FTCDNL1: variants seen among roughly 807,000 people sequenced by gnomAD.
FTCDNL1 encodes formiminotransferase cyclodeaminase N-terminal like.
A neutral mutation model predicts 5.9 loss-of-function variants in FTCDNL1; 11 were observed. The observed-to-expected ratio is 1.87, with a 90% CI of 1.18 to 3.10. The LOEUF (loss-of-function observed/expected upper bound fraction) is 3.10, where lower values mean the gene tolerates loss of function less well. Among genes scored for constraint, FTCDNL1 ranks in the 30% most tolerant of loss-of-function variants. The probability of loss-of-function intolerance (pLI) is 0.00; values close to 1 mark genes in which losing one functional copy is unlikely to be tolerated. For missense variants in FTCDNL1, 115 were observed against 65.5 expected (o/e 1.76, Z -2.61); for synonymous variants, 58 against 24.8 (o/e 2.34, Z -3.99).
the FTCDNL1 span, among the ~76,000 whole-genome samples, chr2:199,712,983 C>T: frequency 2.6e-4 from 39 of 152,166 alleles, no homozygotes; most frequent in Admixed American, 2.5e-3. Context: ...TTTTTGGGGA[C>T]ACAATTCAAC....
chr2:199,679,631 T>A, the FTCDNL1 span, among the ~76,000 whole-genome samples: 4 of 152,144 alleles, frequency 2.6e-5, no homozygotes, highest in Non-Finnish European at 4.4e-5. Context: ...GACATCTTTT[T>A]TTTTATTTTA....
intron 3 of FTCDNL1, among the ~76,000 whole-genome samples, chr2:199,764,503 C>G (rs968723794): frequency 1.3e-5 from 2 of 152,170 alleles, no homozygotes; most frequent in East Asian, 3.9e-4. Context: ...TCAGCTCCCC[C>G]AAAGCCTTCA....
At chr2:199,753,445 C>T in the FTCDNL1 span, among the ~76,000 whole-genome samples, 1 of 152,286 alleles carries the variant, frequency 6.6e-6, no homozygotes, top group East Asian at 1.9e-4. Flanking sequence ...GTGCATCTTC[C>T]CCAGTTACAG....
chr2:199,789,396 G>T (rs1423785457), intron 3 of FTCDNL1, among the ~76,000 whole-genome samples: 2 of 152,060 alleles, frequency 1.3e-5, no homozygotes, highest in Admixed American at 6.6e-5. Flanking sequence ...GTTAATAAAT[G>T]CCAAGATGTT....
chr2:199,748,836 A>G, the FTCDNL1 span, among the ~76,000 whole-genome samples: 1 of 152,194 alleles, frequency 6.6e-6, no homozygotes, highest in Non-Finnish European at 1.5e-5. Flanking sequence ...GGATTCTGAC[A>G]TGATGTGAGA....
chr2:199,801,662 A>G (rs1160670693), intron 3 of FTCDNL1, among the ~76,000 whole-genome samples: 1 of 151,486 alleles, frequency 6.6e-6, no homozygotes. Flanking sequence ...CTCAAAAAAA[A>G]GGAATAGGCC....
chr2:199,671,385 G>C, the FTCDNL1 span, among the ~76,000 whole-genome samples: 12 of 151,968 alleles, frequency 7.9e-5, no homozygotes, highest in Non-Finnish European at 2.9e-5. Flanking sequence ...CAGCCTATGG[G>C]AGTGCAGGTT....
the FTCDNL1 span, among the ~76,000 whole-genome samples, chr2:199,703,190 T>C: frequency 1.4e-4 from 22 of 152,024 alleles, no homozygotes; most frequent in African/African-American, 5.1e-4. Flanking sequence ...TATCTCCTAA[T>C]GCTATCCCTC....
chr2:199,780,951 A>C (rs1208247663), intron 3 of FTCDNL1, among the ~76,000 whole-genome samples: 1 of 152,154 alleles, frequency 6.6e-6, no homozygotes, highest in South Asian at 2.1e-4. Flanking sequence ...TGTCTAACCC[A>C]TACTGCCTAG....
At chr2:199,772,661 A>G (rs1698872092) in intron 3 of FTCDNL1, among the ~76,000 whole-genome samples, 1 of 152,188 alleles carries the variant, frequency 6.6e-6, no homozygotes. Context: ...AATGAACACA[A>G]TGCCATCAAT....
the FTCDNL1 span, among the ~76,000 whole-genome samples, chr2:199,720,963 C>T: frequency 6.6e-6 from 1 of 152,172 alleles, no homozygotes; most frequent in Non-Finnish European, 1.5e-5. Context: ...ATGTGATTTT[C>T]TAGAATCCTG....
intron 3 of FTCDNL1, among the ~76,000 whole-genome samples, chr2:199,788,334 G>A (rs575153514): frequency 6.6e-6 from 1 of 151,938 alleles, no homozygotes; most frequent in Non-Finnish European, 1.5e-5. Flanking sequence ...GAAATTCTAG[G>A]GGAATATTTT....
intron 4 of FTCDNL1, 103 bp from the exon 5 acceptor site, chr2:199,812,827 T>A (rs890826115): frequency 8.4e-6 from 5 of 596,034 alleles, no homozygotes; most frequent in African/African-American, 3.8e-5. Context: ...TAGTTAAATA[T>A]TTTTTTATCA....
At chr2:199,849,156 T>C (rs1413703607) in intron 1 of FTCDNL1, among the ~76,000 whole-genome samples, 187 bp from the exon 2 acceptor site, 3 of 152,228 alleles carry the variant, frequency 2.0e-5, no homozygotes, top group East Asian at 3.8e-4. Context: ...CATGTGTACA[T>C]GGTCACATAC....
chr2:199,783,701 C>T (rs1699484803), intron 3 of FTCDNL1, among the ~76,000 whole-genome samples: 1 of 152,126 alleles, frequency 6.6e-6, no homozygotes, highest in South Asian at 2.1e-4. Context: ...TAGGTGGGTC[C>T]AGCAGCACCT....
chr2:199,665,351 G>A, the FTCDNL1 span, among the ~76,000 whole-genome samples: 1 of 152,300 alleles, frequency 6.6e-6, no homozygotes, highest in South Asian at 2.1e-4. Context: ...TAGAGAACAA[G>A]CCAGGCATGG....
chr2:199,752,622 G>A, the FTCDNL1 span, among the ~76,000 whole-genome samples: 1 of 152,024 alleles, frequency 6.6e-6, no homozygotes, highest in African/African-American at 2.4e-5. Flanking sequence ...CCCTCAACCT[G>A]CAGAATTTGG....
chr2:199,669,637 C>T, the FTCDNL1 span, among the ~76,000 whole-genome samples: 1 of 152,146 alleles, frequency 6.6e-6, no homozygotes, highest in Non-Finnish European at 1.5e-5. Flanking sequence ...TTTTATTTAA[C>T]TCATCAAGAC....
At chr2:199,747,491 G>A in the FTCDNL1 span, among the ~76,000 whole-genome samples, 1 of 152,030 alleles carries the variant, frequency 6.6e-6, no homozygotes, top group Non-Finnish European at 1.5e-5. Context: ...TATGAGAGAA[G>A]AACGTTGTAA....
Sources: allele counts gnomAD v4.1 joint callset (sites outside exome capture counted in the v4.1 genomes callset), GRCh38; gene constraint gnomAD v4.1.1; transcripts MANE v1.5; gene names NCBI Gene and HGNC (gene_info 2026-07-23, HGNC 2026-07-21).